SRGAP1: variants seen among roughly 807,000 people sequenced by gnomAD.
SRGAP1 encodes SLIT-ROBO Rho GTPase-activating protein 1.
In SRGAP1, 43 loss-of-function variants were observed where a neutral mutation model predicts 121.9. The observed-to-expected ratio is 0.35, with a 90% CI of 0.28 to 0.46. The LOEUF (loss-of-function observed/expected upper bound fraction) is 0.46. Among genes scored for constraint, SRGAP1 ranks in the 20% least tolerant of loss-of-function variants. The pLI is 1.00. For missense variants in SRGAP1, 1,102 were observed against 1,350.9 expected (o/e 0.82, Z 2.89); for synonymous variants, 447 against 485.4 (o/e 0.92, Z 1.04).
intron 8 of SRGAP1, among the ~76,000 whole-genome samples, chr12:64,067,386 G>A (rs1197741581): frequency 1.3e-5 from 2 of 151,938 alleles, no homozygotes; most frequent in Non-Finnish European, 2.9e-5. Context: ...CTTTAGCCTG[G>A]GTGACAGAGC....
chr12:64,033,891 G>A (rs565903939), intron 4 of SRGAP1, among the ~76,000 whole-genome samples: 178 of 151,550 alleles, frequency 1.2e-3, no homozygotes, highest in African/African-American at 4.1e-3. Context: ...ACAGTGGCAG[G>A]CGCCTGTAAT....
At chr12:64,085,039 AC>A (rs1826737238) in intron 10 of SRGAP1, among the ~76,000 whole-genome samples, 2 of 152,154 alleles carry the variant, frequency 1.3e-5, no homozygotes, top group South Asian at 2.1e-4. Flanking sequence ...AAAAAGACTT[AC>A]GTTTTTAAAG....
intron 1 of SRGAP1, among the ~76,000 whole-genome samples, chr12:63,845,103 C>T (rs575496307): frequency 1.1e-4 from 17 of 152,296 alleles, no homozygotes; most frequent in Admixed American, 7.2e-4. Context: ...TGACTTCCCC[C>T]GCCAGCTGCC....
intron 1 of SRGAP1, among the ~76,000 whole-genome samples, chr12:63,952,549 G>GA (rs1301883505): frequency 1.3e-5 from 2 of 151,974 alleles, no homozygotes; most frequent in African/African-American, 2.4e-5. Context: ...AGAAAAGAAA[G>GA]AAAAAATCCA....
chr12:64,086,337 C>G (rs2035938822), intron 10 of SRGAP1, among the ~76,000 whole-genome samples: 1 of 152,154 alleles, frequency 6.6e-6, no homozygotes, highest in African/African-American at 2.4e-5. Flanking sequence ...AAAAATTCAG[C>G]CCTGTTACTT....
At chr12:63,932,134 A>G (rs562040397) in intron 1 of SRGAP1, among the ~76,000 whole-genome samples, 106 of 152,258 alleles carry the variant, frequency 7.0e-4, no homozygotes, top group African/African-American at 2.2e-3. Context: ...AAAAAAAATT[A>G]GCTGGGCGTG....
intron 1 of SRGAP1, among the ~76,000 whole-genome samples, chr12:63,979,125 T>C (rs145911903): frequency 0.017 from 2,398 of 142,816 alleles, 61 homozygotes; most frequent in African/African-American, 0.057. Context: ...CTGCAACCTC[T>C]GCCTGCCAGG....
rs773846872 is a variant in SRGAP1 at position 63,844,852 on chromosome 12, G to A, written c.36G>A (p.Glu12=). 1.1e-5 allele frequency: 17 copies of A among 1,614,202 alleles called. No homozygotes were observed. In the South Asian group the frequency reaches 1.6e-4, roughly 16 times the overall value. The change falls in exon 1 of 22, where the codon GAG becomes GAA. Residue 12 remains glutamate, a synonymous_variant. Transcript: ENST00000355086. The surrounding 1 kb of genome is among the most constrained non-coding windows in gnomAD (Gnocchi z 4.3). ...STPSRFKKDK[E]IIAEYESQVK... Reference sequence around the variant, plus strand: ...CGAGCCGATTCAAGAAGGACAAAGAGATCATAGCCGAGTATGAAAGTCAAG... The same window carrying A: ...CGAGCCGATTCAAGAAGGACAAAGAAATCATAGCCGAGTATGAAAGTCAAG...
At chr12:64,082,606 C>T (rs1005200812) in intron 10 of SRGAP1, among the ~76,000 whole-genome samples, 1 of 152,092 alleles carries the variant, frequency 6.6e-6, no homozygotes, top group Non-Finnish European at 1.5e-5. Context: ...TTTGCCACCA[C>T]GCCCAGCTAA....
chr12:63,846,922 T>G (rs1026303756), intron 1 of SRGAP1, among the ~76,000 whole-genome samples: 7 of 152,134 alleles, frequency 4.6e-5, no homozygotes, highest in Non-Finnish European at 7.4e-5. Flanking sequence ...AGATAAATAG[T>G]ACATGAGGCC....
At chr12:64,049,730 A>G (rs145348114) in intron 6 of SRGAP1, among the ~76,000 whole-genome samples, 3 of 152,214 alleles carry the variant, frequency 2.0e-5, no homozygotes, top group Non-Finnish European at 2.9e-5. Context: ...CCACTGGTCT[A>G]TGTTTATGCC....
chr12:64,111,613 T>G, intron 16 of SRGAP1, 149 bp from the exon 17 acceptor site: 1 of 638,390 alleles, frequency 1.6e-6, no homozygotes, highest in Non-Finnish European at 2.6e-6. Context: ...TTAGTTAAGG[T>G]CATAAGTCAT....
intron 6 of SRGAP1, among the ~76,000 whole-genome samples, chr12:64,048,984 T>C (rs1279223114): frequency 6.6e-6 from 1 of 152,188 alleles, no homozygotes; most frequent in East Asian, 1.9e-4. Flanking sequence ...TTTCTTTTGC[T>C]GCACAGAAGC....
Position 63,853,003 on chromosome 12 carries a change from A to G in SRGAP1, c.67+8120A>G, listed in dbSNP as rs559606708. On this transcript the variant is annotated intron_variant, in intron 1 of 21. Transcript: ENST00000355086. ...TCATTCAGAATTATCTAGGATGTCC[A>G]AACAAGTATTACCGCAAAATTTTTT... Among the ~76,000 whole-genome samples, 10 of 151,724 alleles carry G rather than the reference A, an allele frequency of 6.6e-5. No individual in the cohort carries two copies. In the East Asian group the frequency reaches 1.9e-3, roughly 29 times the overall value.
chr12:64,120,491 GTTA>G (rs2036589865), intron 18 of SRGAP1: 1 of 152,260 alleles, frequency 6.6e-6, no homozygotes, highest in Admixed American at 6.5e-5. Flanking sequence ...TTTAAGATAG[GTTA>G]TTTCCTTAAT....
rs79999737 is a variant in SRGAP1, at chr12:64,073,179, T to C, written c.1126-5740T>C. Among the ~76,000 whole-genome samples, 526 of 152,340 alleles carry C rather than the reference T, an allele frequency of 3.5e-3. 4 individuals are homozygous for C. Among genetic ancestry groups the C allele is most frequent in the African/African-American group, 0.012 (500 of 41,570 alleles). On this transcript the variant is annotated intron_variant, in intron 8 of 21. Coordinates refer to ENST00000355086, the MANE Select transcript of SRGAP1 (RefSeq NM_020762.4). ...GTTGCGAGCATCCCATGGGATGATA[T>C]GCAGTCCCAGCATTGAGTCTGGTGG... is the stretch of plus-strand genomic sequence containing the variant.
intron 1 of SRGAP1, among the ~76,000 whole-genome samples, chr12:63,867,125 A>G (rs1008988036): frequency 1.5e-4 from 23 of 152,214 alleles, no homozygotes; most frequent in Non-Finnish European, 3.1e-4. Flanking sequence ...TTCTGGGATT[A>G]CAAGTGTGAG....
rs58637983 is a variant in SRGAP1, at chr12:63,951,152, C to CTTTT, written c.68-32769_68-32766dup. Among the ~76,000 whole-genome samples, 134 of 44,184 alleles carry CTTTT rather than the reference C, an allele frequency of 3.0e-3. 30 individuals carry two copies. The highest frequency in any genetic ancestry group is 8.8e-3 in the East Asian group (9 of 1,020). 29.0% of individuals were successfully genotyped at this position (44,184 alleles called of 152,430 possible). The stretch of plus-strand genomic sequence containing the variant: ...GGGCTGGTCCATGCCATTTAGAACT[C>CTTTT]TTTTTTTTTTTTTTTTTTTTTTTTT... On this transcript the variant is annotated intron_variant, in intron 1 of 21. Transcript: ENST00000355086.
chr12:64,112,373 AG>A (rs763364199), intron 17 of SRGAP1, among the ~76,000 whole-genome samples: 1 of 152,196 alleles, frequency 6.6e-6, no homozygotes. Context: ...CTCATTTTAA[AG>A]GAGCCCTGTC....
Sources: allele counts gnomAD v4.1 joint callset (sites outside exome capture counted in the v4.1 genomes callset), GRCh38; gene constraint gnomAD v4.1.1; non-coding constraint Gnocchi (gnomAD v3.1); transcripts MANE v1.5; gene names NCBI Gene and HGNC (gene_info 2026-07-23, HGNC 2026-07-21).